Variants in PALM2AKAP2 observed in about 807,000 individuals in gnomAD.
The protein encoded by PALM2AKAP2 is PALM2 and AKAP2 fusion.
A neutral mutation model predicts 71.5 loss-of-function variants in PALM2AKAP2; 37 were observed. That is an observed-to-expected ratio of 0.52 (90% confidence interval 0.40 to 0.68). The LOEUF is 0.68. Ranked by LOEUF, PALM2AKAP2 falls within the 30% of genes least tolerant of loss-of-function variation. PALM2AKAP2 has a pLI of 0.00. For synonymous variants in PALM2AKAP2, 468 were observed against 478.8 expected (o/e 0.98, Z 0.29); for missense variants, 1,224 against 1,191.8 (o/e 1.03, Z -0.40).
At chr9:110,026,461 A>G (rs1833184045) in intron 7 of PALM2AKAP2, among the ~76,000 whole-genome samples, 2 of 151,922 alleles carry the variant, frequency 1.3e-5, no homozygotes, top group South Asian at 4.1e-4. Flanking sequence ...GCTATTTTTT[A>G]TTGTGGTAAA....
intron 7 of PALM2AKAP2, among the ~76,000 whole-genome samples, chr9:110,026,085 A>C (rs76887741): frequency 0.057 from 8,660 of 151,010 alleles, 667 homozygotes; most frequent in African/African-American, 0.18. Flanking sequence ...TCTTTTATTT[A>C]TTTCTTTCTT....
At chr9:110,111,083 C>CTTTTT (rs1835238688) in intron 1 of PALM2AKAP2, among the ~76,000 whole-genome samples, 3 of 104,246 alleles carry the variant, frequency 2.9e-5, no homozygotes, top group South Asian at 3.3e-4. Flanking sequence ...TTCTTTCTTT[C>CTTTTT]TTCTTTTTTT....
At chr9:110,167,131 T>A (rs1346097980) in intron 3 of PALM2AKAP2, among the ~76,000 whole-genome samples, 1 of 152,114 alleles carries the variant, frequency 6.6e-6, no homozygotes, top group Non-Finnish European at 1.5e-5. Flanking sequence ...ATGGGAAAAC[T>A]CGCTCCCACA....
intron 1 of PALM2AKAP2, among the ~76,000 whole-genome samples, chr9:110,119,883 A>G (rs574141113): frequency 1.5e-4 from 23 of 152,234 alleles, no homozygotes; most frequent in African/African-American, 3.9e-4. Context: ...TGGTTGAATC[A>G]TTTTACCGTA....
chr9:109,766,641 T>G lies in PALM2AKAP2; in HGVS notation c.6-13847T>G, dbSNP rs536264271. Among the ~76,000 whole-genome samples, 23 of 152,296 alleles carry G rather than the reference T, an allele frequency of 1.5e-4. No homozygotes were observed. In the South Asian group the frequency reaches 4.4e-3, roughly 29 times the overall value. ...TTGCTGCATGTTGATAAGGCAGAAA[T>G]AGTGAGTCATTTAAATAGCGGATTA... is the stretch of plus-strand genomic sequence containing the variant. On this transcript the variant is annotated intron_variant, in intron 1 of 6. Transcript: ENST00000374531.
chr9:109,756,167 A>G (rs1828961331), intron 1 of PALM2AKAP2, among the ~76,000 whole-genome samples: 1 of 152,174 alleles, frequency 6.6e-6, no homozygotes, highest in Admixed American at 6.6e-5. Flanking sequence ...AGATACCAAC[A>G]GTATGTAAGT....
rs977961234 is a variant in PALM2AKAP2 at position 109,834,246 on chromosome 9, T to C, written c.46-33245T>C. Among the ~76,000 whole-genome samples, 100 of 152,226 alleles carry C rather than the reference T, an allele frequency of 6.6e-4. 1 individual carries two copies. The highest frequency in any genetic ancestry group is 2.2e-3 in the African/African-American group (92 of 41,524). On this transcript the variant is annotated intron_variant, in intron 1 of 9. Transcript: ENST00000302798. Reference sequence around the variant, plus strand: ...CAAAACAAAACAGAAAAGAATGTCATTTGACAGTGTACAAAGTTTATATAT... The same window carrying C: ...CAAAACAAAACAGAAAAGAATGTCACTTGACAGTGTACAAAGTTTATATAT...
intron 1 of PALM2AKAP2, among the ~76,000 whole-genome samples, chr9:110,073,494 G>C (rs902212439): frequency 2.6e-5 from 4 of 152,126 alleles, no homozygotes; most frequent in African/African-American, 9.7e-5. Flanking sequence ...AGCCTAGCTT[G>C]TTGTTTTATC....
intron 1 of PALM2AKAP2, among the ~76,000 whole-genome samples, chr9:109,810,693 G>A (rs574852817): frequency 2.0e-5 from 3 of 152,276 alleles, no homozygotes; most frequent in African/African-American, 7.2e-5. Flanking sequence ...CTTGGAAGGG[G>A]ATACTTTTAG....
intron 1 of PALM2AKAP2, among the ~76,000 whole-genome samples, chr9:109,847,474 G>A (rs1357907495): frequency 6.6e-6 from 1 of 152,180 alleles, no homozygotes; most frequent in South Asian, 2.1e-4. Context: ...GGGCGTGATG[G>A]CTCACGCCTG....
At position 110,005,725 on chromosome 9, in the gene PALM2AKAP2, G is replaced by T. The variant is rs530152673; in HGVS notation, c.497-10229G>T. On this transcript the variant is annotated intron_variant, in intron 6 of 9. Coordinates refer to the PALM2AKAP2 transcript ENST00000302798. ...TTTACCTACTCAAGCTTCAGCAATG[G>T]CAGGCACCCCTCCCCCAGCCTCGCT... 2.6e-5 allele frequency among the ~76,000 whole-genome samples: 4 copies of T among 152,320 alleles called. No homozygotes were observed. In the East Asian group the frequency reaches 5.8e-4, roughly 22 times the overall value.
intron 7 of PALM2AKAP2, among the ~76,000 whole-genome samples, chr9:110,030,898 CTT>C (rs1171983228): frequency 2.0e-5 from 3 of 152,202 alleles, no homozygotes; most frequent in African/African-American, 7.2e-5. Context: ...TTCGAGGTCA[CTT>C]ATGCTTACTA....
chr9:109,687,877 C>A (rs1283828172), intron 1 of PALM2AKAP2, among the ~76,000 whole-genome samples: 1 of 152,188 alleles, frequency 6.6e-6, no homozygotes, highest in African/African-American at 2.4e-5. Flanking sequence ...TTCACTTGAA[C>A]ACCTAGAGAC....
chr9:109,713,087 T>C (rs1828265278), intron 1 of PALM2AKAP2, among the ~76,000 whole-genome samples: 2 of 152,190 alleles, frequency 1.3e-5, no homozygotes. Flanking sequence ...TCTGGTCTCT[T>C]AGACGAAGAT....
intron 1 of PALM2AKAP2, among the ~76,000 whole-genome samples, chr9:109,725,769 C>T (rs931325491): frequency 6.6e-6 from 1 of 152,092 alleles, no homozygotes; most frequent in African/African-American, 2.4e-5. Flanking sequence ...AATTATGCAA[C>T]ACACACATGT....
rs541543606 is a variant in PALM2AKAP2, at chr9:109,836,433, A to T, written c.46-31058A>T. On this transcript the variant is annotated intron_variant, in intron 1 of 9. Coordinates refer to the PALM2AKAP2 transcript ENST00000302798. ...ATAAAACCACAAAGATGGGGAAAAA[A>T]CAGAGCAGAAAACCTGAAAATTCTA... 2.6e-5 allele frequency among the ~76,000 whole-genome samples: 4 copies of T among 152,348 alleles called. No homozygotes were observed. In the East Asian group the frequency reaches 7.7e-4, roughly 29 times the overall value.
At chr9:109,906,397 T>C (rs1348943062) in intron 3 of PALM2AKAP2, among the ~76,000 whole-genome samples, 2 of 152,096 alleles carry the variant, frequency 1.3e-5, no homozygotes, top group Non-Finnish European at 2.9e-5. Context: ...CGGGGTTTCA[T>C]CATGTTGGCC....
intron 1 of PALM2AKAP2, among the ~76,000 whole-genome samples, chr9:110,134,390 A>C (rs1488005503): frequency 6.6e-6 from 1 of 152,246 alleles, no homozygotes. Flanking sequence ...ATCACTCCTT[A>C]ACAAAGACCA....
At chr9:109,959,704 A>G (rs1405317262) in intron 6 of PALM2AKAP2, among the ~76,000 whole-genome samples, 1 of 151,960 alleles carries the variant, frequency 6.6e-6, no homozygotes, top group Non-Finnish European at 1.5e-5. Flanking sequence ...TAGAAGTGGT[A>G]GATAGAAAGT....
Sources: gnomAD v4.1 joint callset for allele counts (sites outside exome capture counted in the v4.1 genomes callset) on GRCh38, gnomAD v4.1.1 for gene constraint, MANE v1.5 for transcripts, NCBI Gene and HGNC (gene_info 2026-07-23, HGNC 2026-07-21) for gene names.